The following SUGCT variants were observed in gnomAD, a reference collection of about 807,000 sequenced individuals.
SUGCT encodes the protein succinyl-CoA:glutarate-CoA transferase.
Under a neutral mutation model 55.0 loss-of-function variants are expected in SUGCT, and 41 were observed. The ratio of observed to expected loss-of-function variants is 0.74; its 90% CI spans 0.58 to 0.97. The LOEUF is 0.97. Among genes scored for constraint, SUGCT ranks in the 50% least tolerant of loss-of-function variants. SUGCT has a pLI of 0.00. For missense variants in SUGCT, 568 were observed against 547.8 expected, an observed-to-expected ratio of 1.04 and a Z score of -0.37; for synonymous variants, 187 against 200.4, an observed-to-expected ratio of 0.93 and a Z score of 0.56.
intron 12 of SUGCT, among the ~76,000 whole-genome samples, chr7:40,537,030 A>G (rs1794400430): frequency 6.6e-6 from 1 of 152,232 alleles, no homozygotes; most frequent in Non-Finnish European, 1.5e-5. Flanking sequence ...GAGGGAAAAA[A>G]TAATTGAAAT....
chr7:40,342,285 A>G (rs760570064), intron 9 of SUGCT, among the ~76,000 whole-genome samples: 12 of 152,240 alleles, frequency 7.9e-5, no homozygotes, highest in Non-Finnish European at 1.5e-4. Context: ...GGGACTTGAG[A>G]GATTACTCAG....
At chr7:40,919,156 C>T in the SUGCT span, among the ~76,000 whole-genome samples, 2 of 152,212 alleles carry the variant, frequency 1.3e-5, no homozygotes, top group Admixed American at 1.3e-4. Flanking sequence ...CTGCTAGCCA[C>T]AGATAACTCA....
At chr7:40,409,571 T>G (rs1371154093) in intron 9 of SUGCT, among the ~76,000 whole-genome samples, 3 of 152,202 alleles carry the variant, frequency 2.0e-5, no homozygotes, top group Admixed American at 6.5e-5. Flanking sequence ...CTGTTGTCTC[T>G]TACTACCTCA....
At chr7:40,612,798 G>T in intron 12 of SUGCT, among the ~76,000 whole-genome samples, 1 of 152,188 alleles carries the variant, frequency 6.6e-6, no homozygotes, top group East Asian at 1.9e-4. Flanking sequence ...AATTGTATTT[G>T]CATTTCTTAA....
chr7:40,141,725 TGAG>T, intron 1 of SUGCT: 1 of 183,464 alleles, frequency 5.5e-6, no homozygotes, highest in Non-Finnish European at 1.2e-5. Flanking sequence ...TTTTTTTTTT[TGAG>T]ACAGGGTCTG....
At chr7:40,440,122 A>G (rs1788423430) in intron 9 of SUGCT, among the ~76,000 whole-genome samples, 1 of 142,220 alleles carries the variant, frequency 7.0e-6, no homozygotes, top group African/African-American at 2.7e-5. Flanking sequence ...CAAATGAGTC[A>G]AGTTTTTTGT....
intron 12 of SUGCT, among the ~76,000 whole-genome samples, chr7:40,519,802 C>G (rs918602126): frequency 2.6e-5 from 4 of 151,770 alleles, no homozygotes; most frequent in Non-Finnish European, 1.5e-5. Context: ...TAGGAGAAAC[C>G]TATATTGCAA....
At chr7:40,809,121 TTC>T (rs1224343835) in intron 13 of SUGCT, among the ~76,000 whole-genome samples, 3 of 152,208 alleles carry the variant, frequency 2.0e-5, no homozygotes, top group Non-Finnish European at 4.4e-5. Context: ...TCAACCCTAG[TTC>T]TGTTACTTGC....
At chr7:40,249,327 ATATATATATATATAT>A (rs1790169110) in intron 7 of SUGCT, among the ~76,000 whole-genome samples, 2 of 117,714 alleles carry the variant, frequency 1.7e-5, no homozygotes, top group African/African-American at 7.0e-5. Context: ...ATATATATAT[ATATATATATATATAT>A]ATATAATTAT....
At chr7:40,194,417 T>C (rs562976343) in intron 5 of SUGCT, among the ~76,000 whole-genome samples, 1 of 152,140 alleles carries the variant, frequency 6.6e-6, no homozygotes, top group East Asian at 1.9e-4. Context: ...TGCACCACCG[T>C]GTCTGGCTAA....
chr7:40,494,162 T>C (rs1333009115), intron 11 of SUGCT, among the ~76,000 whole-genome samples: 2 of 152,218 alleles, frequency 1.3e-5, no homozygotes, highest in Non-Finnish European at 2.9e-5. Context: ...TGTTTGGATA[T>C]TGACATGCAT....
At chr7:40,698,207 G>A (rs891961013) in intron 12 of SUGCT, among the ~76,000 whole-genome samples, 2 of 152,214 alleles carry the variant, frequency 1.3e-5, no homozygotes, top group African/African-American at 2.4e-5. Context: ...GAGAGGTAAA[G>A]GTGGTATCTA....
At chr7:40,613,403 T>G (rs1053685734) in intron 12 of SUGCT, among the ~76,000 whole-genome samples, 1 of 152,174 alleles carries the variant, frequency 6.6e-6, no homozygotes, top group Non-Finnish European at 1.5e-5. Flanking sequence ...TGTGTGGAGT[T>G]AGACTTCACT....
At chr7:40,818,702 A>C (rs558760986) in intron 13 of SUGCT, among the ~76,000 whole-genome samples, 1 of 152,260 alleles carries the variant, frequency 6.6e-6, no homozygotes, top group South Asian at 2.1e-4. Context: ...TCTTTGCAGG[A>C]AGGAGGGTAA....
chr7:40,584,857 A>C (rs1458573938), intron 12 of SUGCT, among the ~76,000 whole-genome samples: 1 of 152,178 alleles, frequency 6.6e-6, no homozygotes, highest in Non-Finnish European at 1.5e-5. Context: ...CTGACTTCCC[A>C]GGGTATCTTA....
intron 12 of SUGCT, among the ~76,000 whole-genome samples, chr7:40,582,784 G>A (rs1202278856): frequency 2.0e-5 from 3 of 152,052 alleles, no homozygotes; most frequent in South Asian, 2.1e-4. Context: ...CATTGGGTGG[G>A]CCCTTAACTC....
chr7:40,973,003 C>T, the SUGCT span, among the ~76,000 whole-genome samples: 1 of 152,214 alleles, frequency 6.6e-6, no homozygotes, highest in South Asian at 2.1e-4. Context: ...TCCATGTTGG[C>T]ATTCTCTGCT....
At chr7:40,367,507 C>A (rs1257673036) in intron 9 of SUGCT, among the ~76,000 whole-genome samples, 6 of 151,646 alleles carry the variant, frequency 4.0e-5, no homozygotes, top group African/African-American at 1.5e-4. Flanking sequence ...AGTATATGAA[C>A]TTACTAAACA....
chr7:40,757,166 A>G lies in SUGCT; in HGVS notation c.1153+7669A>G, dbSNP rs138799951. Among the ~76,000 whole-genome samples the G allele has an allele frequency of 4.3e-3, 657 of 152,276 alleles. 2 individuals are homozygous for G. The highest frequency in any genetic ancestry group is 0.027 in the Middle Eastern group (8 of 294). ...TAGACATTGTTACTGTTCTGTGAGA[A>G]ATGAATAGCACAGTGATTTTCCTTC... On this transcript the variant is annotated intron_variant, in intron 13 of 13. Coordinates refer to ENST00000335693, the MANE Select transcript of SUGCT (RefSeq NM_001193313.2).
Sources: allele counts gnomAD v4.1 joint callset (sites outside exome capture counted in the v4.1 genomes callset), GRCh38; gene constraint gnomAD v4.1.1; transcripts MANE v1.5; gene names NCBI Gene and HGNC (gene_info 2026-07-23, HGNC 2026-07-21).